CHEK2: variants seen among roughly 807,000 people sequenced by gnomAD.
CHEK2 encodes serine/threonine-protein kinase Chk2.
CHEK2 carries 71 observed loss-of-function variants against 69.1 expected under a neutral mutation model. That is an observed-to-expected ratio of 1.03 (90% CI 0.85 to 1.25). CHEK2 has a LOEUF of 1.25. CHEK2 is among the 50% of genes most tolerant of loss of function. The pLI is 0.00. For synonymous variants in CHEK2, 189 were observed against 226.9 expected (o/e 0.83, Z 1.50); for missense variants, 664 against 649.6 (o/e 1.02, Z -0.24).
rs576248104 is a variant in CHEK2, at chr22:28,687,926, G to A, written c.1603C>T (p.Arg535Cys). 28 of 1,596,260 alleles carry A rather than the reference G, an allele frequency of 1.8e-5. No homozygotes were observed. The highest frequency in any genetic ancestry group is 5.0e-5 in the Admixed American group (3 of 59,980). ...AACACAGCAGCACACACAGCTGGGC[G>A]CTTTGTGGTCTCGGCACCCTCGGCT... ...GEAEGAETTKRPAVCAAVL is the reference protein window; with the variant it reads ...GEAEGAETTKCPAVCAAVL The change falls in exon 15 of 15, where the codon CGC (arginine) becomes TGC (cysteine). Residue 535 changes from arginine (R) to cysteine (C), a missense_variant. By Grantham distance (180) the Arg-to-Cys change is radical. Coordinates refer to ENST00000404276, the MANE Select transcript of CHEK2 (RefSeq NM_007194.4).
chr22:28,735,207 C>T (rs1413101650), intron 1 of CHEK2, among the ~76,000 whole-genome samples: 1 of 152,058 alleles, frequency 6.6e-6, no homozygotes, highest in Non-Finnish European at 1.5e-5. Context: ...GAGTTCAAGA[C>T]CAGCCTGGCC....
In CHEK2 at chr22:28,695,836, G is replaced by A. The variant is rs587780167; in HGVS notation, c.1133C>T (p.Thr378Ile). The change falls in exon 11 of 15, where the codon ACC becomes ATC. Residue 378 changes from threonine (T) to isoleucine (I), a missense_variant. Transcript: ENST00000404276. ...DFGHSKILGE[T>I]SLMRTLCGTP... ...TCCACATAAGGTTCTCATGAGAGAG[G>A]TCTCTCCCAAAATCTTGGAGTGCCC... 2.0e-5 allele frequency: 33 copies of A among 1,613,512 alleles called. No homozygotes were observed. Among genetic ancestry groups the A allele is most frequent in the Admixed American group, 1.2e-4 (7 of 59,996 alleles).
intron 1 of CHEK2, among the ~76,000 whole-genome samples, chr22:28,741,483 T>C (rs17879734): frequency 6.6e-6 from 1 of 152,116 alleles, no homozygotes; most frequent in Non-Finnish European, 1.5e-5. Flanking sequence ...GGCAACGATT[T>C]CTAACATCTA....
At chr22:28,703,418 G>A (rs1292572341) in intron 8 of CHEK2, 87 bp downstream of exon 8, 10 of 777,810 alleles carry the variant, frequency 1.3e-5, no homozygotes, top group Admixed American at 1.3e-4. Flanking sequence ...CCCCCAGGAT[G>A]AGAAAGGCAA....
chr22:28,712,795 T>C (rs1420270812), intron 5 of CHEK2, among the ~76,000 whole-genome samples: 1 of 152,232 alleles, frequency 6.6e-6, no homozygotes, highest in African/African-American at 2.4e-5. Flanking sequence ...GACATCTTTT[T>C]TATTGTGTTA....
In CHEK2 at chr22:28,736,851, G is replaced by C. The variant is rs2054425325; in HGVS notation, c.-6-2124C>G. Among the ~76,000 whole-genome samples, 3 of 151,642 alleles carry C rather than the reference G, an allele frequency of 2.0e-5. No homozygotes were observed. In the South Asian group the frequency reaches 6.2e-4, roughly 32 times the overall value. ...TCAGCTACTCAGGAAGGTGAGGTGG[G>C]AGGATCACTTGAGCCCAGGAGTTGA... On this transcript the variant is annotated intron_variant, in intron 1 of 14. Transcript: ENST00000404276.
At position 28,734,521 on chromosome 22, in the gene CHEK2, G is replaced by C. The variant is rs111292981; in HGVS notation, c.201C>G (p.Ser67=). Residue 67 remains serine, a synonymous_variant, in exon 2 of 15, where the codon TCC becomes TCG. Coordinates refer to ENST00000404276, the MANE Select transcript of CHEK2 (RefSeq NM_007194.4). Reference sequence around the variant, plus strand: ...CAGGAATAGAATAGAGTTCCTGAGTGGACACTGTCTCTAAGGAGCTCAGTG... The same window carrying C: ...CAGGAATAGAATAGAGTTCCTGAGTCGACACTGTCTCTAAGGAGCTCAGTG... The part of the protein sequence containing the change: ...SGTLSSLETV[S]TQELYSIPED... 3 of 1,613,998 alleles carry C rather than the reference G, an allele frequency of 1.9e-6. No individual in the cohort carries two copies. Among genetic ancestry groups the C allele is most frequent in the Non-Finnish European group, 1.7e-6 (2 of 1,180,002 alleles).
At chr22:28,719,564 A>T (rs56109140) in intron 4 of CHEK2, 79 bp from the exon 5 acceptor site, 1 of 807,854 alleles carries the variant, frequency 1.2e-6, no homozygotes, top group Non-Finnish European at 2.1e-6. Flanking sequence ...TTTATTCATC[A>T]TATGGAATAT....
In CHEK2 at chr22:28,695,752, C is replaced by T. The variant is rs200649225; in HGVS notation, c.1217G>A (p.Arg406His). ...TCCTAAACTCCAGCAGTCCACAGCA[C>T]GGTTATACCCAGCAGTCCCAACAGA... The part of the protein sequence containing the change: ...LVSVGTAGYN[R>H]AVDCWSLGVI... Residue 406 changes from arginine (R) to histidine (H), a missense_variant, in exon 11 of 15, where the codon CGT becomes CAT. Arg to His is a conservative substitution (Grantham distance 29). Transcript: ENST00000404276. 2.0e-4 allele frequency: 319 copies of T among 1,613,724 alleles called. 1 individual carries two copies. Among genetic ancestry groups the T allele is most frequent in the South Asian group, 1.6e-3 (144 of 91,074 alleles).
At position 28,703,517 on chromosome 22, in the gene CHEK2, A is replaced by G. The variant is rs876659870; in HGVS notation, c.896T>C (p.Ile299Thr). The G allele has an allele frequency of 1.3e-6, 2 of 1,501,996 alleles. No homozygotes were observed. Among genetic ancestry groups the G allele is most frequent in the South Asian group, 2.3e-5 (2 of 85,926 alleles). The allele number at this position is 1,501,996 out of a possible 1,614,324, so 93.0% of individuals were successfully genotyped here. A position where few individuals can be genotyped will look rare whatever the true frequency, so the allele number is the denominator to read the frequency against. Residue 299 changes from isoleucine to threonine, a missense_variant, in exon 8 of 15, where the codon ATT becomes ACT. Transcript: ENST00000404276. The stretch of plus-strand genomic sequence containing the variant: ...GTTTACTACTTACAATTCCAAAACA[A>G]TATAATAATCTTCTGCATCAAAAAA... ...KNFFDAEDYYIVLELMEGGEL... is the reference protein window; with the variant it reads ...KNFFDAEDYYTVLELMEGGEL...
chr22:28,723,898 T>C (rs2053894005), intron 4 of CHEK2, among the ~76,000 whole-genome samples: 2 of 150,994 alleles, frequency 1.3e-5, no homozygotes, highest in African/African-American at 4.9e-5. Flanking sequence ...GCAGTGCCAC[T>C]GAACTCCAGC....
chr22:28,725,241 AC>A lies in CHEK2; in HGVS notation c.444+1del, dbSNP rs1064793780. ...CTAGATACATGGGTATTCATTACCT[AC>A]CCTGAAAATCCGAAAGTGTTTCTTG... On this transcript the variant is annotated splice_donor_variant, in intron 3 of 14. Coordinates refer to ENST00000404276, the MANE Select transcript of CHEK2 (RefSeq NM_007194.4). LOFTEE classifies it high-confidence loss of function. The A allele has an allele frequency of 1.9e-6, 3 of 1,614,108 alleles. No homozygotes were observed. The highest frequency in any genetic ancestry group is 2.5e-6 in the Non-Finnish European group (3 of 1,180,010).
At chr22:28,740,760 C>A (rs2054531968) in intron 1 of CHEK2, among the ~76,000 whole-genome samples, 1 of 152,144 alleles carries the variant, frequency 6.6e-6, no homozygotes, top group African/African-American at 2.4e-5. Context: ...CACAAATGTG[C>A]ATGGACCTGG....
chr22:28,733,113 T>C (rs551656731), intron 2 of CHEK2, among the ~76,000 whole-genome samples: 14 of 152,184 alleles, frequency 9.2e-5, no homozygotes, highest in Non-Finnish European at 2.1e-4. Flanking sequence ...CACACATGTG[T>C]ATTTTAAACA....
intron 14 of CHEK2, 39 bp from the exon 15 acceptor site, chr22:28,688,025 A>T: frequency 7.0e-7 from 1 of 1,430,498 alleles, no homozygotes; most frequent in Non-Finnish European, 9.7e-7. Context: ...TCAAAAGAAA[A>T]TCACTGGCTT....
intron 13 of CHEK2, 117 bp downstream of exon 13, chr22:28,693,915 A>T: frequency 1.3e-6 from 1 of 778,108 alleles, no homozygotes; most frequent in Non-Finnish European, 2.3e-6. Flanking sequence ...CCATACATCT[A>T]AAACAATTAG....
chr22:28,691,057 C>G (rs1374034862), intron 13 of CHEK2, among the ~76,000 whole-genome samples: 1 of 152,192 alleles, frequency 6.6e-6, no homozygotes, highest in Non-Finnish European at 1.5e-5. Context: ...GGATTCTACT[C>G]CGCACCCTCT....
intron 2 of CHEK2, among the ~76,000 whole-genome samples, chr22:28,726,066 T>A (rs1397196760): frequency 6.6e-6 from 1 of 151,616 alleles, no homozygotes; most frequent in Non-Finnish European, 1.5e-5. Flanking sequence ...TAGCTGGGCG[T>A]GGTGGCGGGT....
chr22:28,718,883 AACACACAC>A (rs144577000), intron 5 of CHEK2, among the ~76,000 whole-genome samples: 3,806 of 140,520 alleles, frequency 0.027, 74 homozygotes, highest in South Asian at 0.06. Context: ...CTCTGACACT[AACACACAC>A]ACACACACAC....
Sources: gnomAD v4.1 joint callset for allele counts (sites outside exome capture counted in the v4.1 genomes callset) on GRCh38, gnomAD v4.1.1 for gene constraint, MANE v1.5 for transcripts, NCBI Gene and HGNC (gene_info 2026-07-23, HGNC 2026-07-21) for gene names.